The following DACH2 variants were observed in gnomAD, a reference collection of about 807,000 sequenced individuals.
DACH2 encodes the protein dachshund homolog 2.
DACH2 carries 17 observed loss-of-function variants against 35.8 expected under a neutral mutation model. The observed-to-expected ratio is 0.48, with a 90% confidence interval of 0.33 to 0.71. The LOEUF (loss-of-function observed/expected upper bound fraction) is 0.71. DACH2 is among the 30% of genes least tolerant of loss of function. The pLI is 0.02. For synonymous variants in DACH2, 195 were observed against 177.3 expected (o/e 1.10, Z -0.79); for missense variants, 469 against 472.7 (o/e 0.99, Z 0.07).
At chrX:86,725,217 A>G (rs748530155) in intron 6 of DACH2, among the ~76,000 whole-genome samples, 95 of 110,552 alleles carry the variant, frequency 8.6e-4, no homozygotes, top group Non-Finnish European at 1.5e-3. Flanking sequence ...TTCCTGAACA[A>G]TTTTTTATGG....
In DACH2 at chrX:86,224,916, C is replaced by T. The variant is rs373914708; in HGVS notation, c.488+75808C>T. Among the ~76,000 whole-genome samples the T allele has an allele frequency of 1.7e-4, 19 of 111,239 alleles. No individual in the cohort carries two copies. In the East Asian group the frequency reaches 5.1e-3, roughly 30 times the overall value. On this transcript the variant is annotated intron_variant, in intron 1 of 11. Transcript: ENST00000373125. ...CCCACAATACTTGGAGAGTCCATTC[C>T]TAGCTTTAGCAGTAGTCTTGAGTGA...
chrX:86,198,514 A>G (rs1428985229), intron 1 of DACH2, among the ~76,000 whole-genome samples: 1 of 111,258 alleles, frequency 9.0e-6, no homozygotes, highest in African/African-American at 3.3e-5. Flanking sequence ...AATAAAACAG[A>G]TAGACTGCTA....
chrX:86,748,559 G>T (rs939541309), intron 7 of DACH2, among the ~76,000 whole-genome samples: 2 of 111,679 alleles, frequency 1.8e-5, no homozygotes, highest in African/African-American at 6.5e-5. Flanking sequence ...TCTCAATAGT[G>T]GGCTTAAAAT....
chrX:86,253,478 T>A (rs1211958053), intron 1 of DACH2, among the ~76,000 whole-genome samples: 1 of 112,142 alleles, frequency 8.9e-6, no homozygotes, highest in Non-Finnish European at 1.9e-5. Flanking sequence ...CCTTTTTGCA[T>A]GTTGATGTGC....
chrX:86,454,789 G>A (rs1477054653), intron 2 of DACH2, among the ~76,000 whole-genome samples: 1 of 111,887 alleles, frequency 8.9e-6, no homozygotes, highest in Non-Finnish European at 1.9e-5. Context: ...AGTCATCTCA[G>A]CCTCAGCCCA....
intron 2 of DACH2, among the ~76,000 whole-genome samples, chrX:86,397,831 G>A (rs368064483): frequency 1.8e-5 from 2 of 111,969 alleles, no homozygotes; most frequent in South Asian, 7.5e-4. Context: ...TGTTCATCAA[G>A]GATATTGGTC....
intron 3 of DACH2, among the ~76,000 whole-genome samples, chrX:86,532,262 G>A (rs1238858735): frequency 2.7e-5 from 3 of 111,911 alleles, no homozygotes; most frequent in South Asian, 3.8e-4. Context: ...GGCATGATTG[G>A]TTTTCAGTGT....
intron 1 of DACH2, among the ~76,000 whole-genome samples, chrX:86,209,485 CA>C (rs746343111): frequency 9.0e-6 from 1 of 111,631 alleles, no homozygotes; most frequent in Non-Finnish European, 1.9e-5. Context: ...CCAGAAATGA[CA>C]CTTTTTATTT....
chrX:86,518,001 G>T (rs183954019), intron 3 of DACH2, among the ~76,000 whole-genome samples: 1 of 111,483 alleles, frequency 9.0e-6, no homozygotes, highest in African/African-American at 3.3e-5. Flanking sequence ...TATTGCCTTG[G>T]TTGTCTTCAA....
intron 5 of DACH2, among the ~76,000 whole-genome samples, chrX:86,707,127 A>G (rs767634273): frequency 1.1e-4 from 12 of 110,831 alleles, no homozygotes; most frequent in African/African-American, 3.9e-4. Context: ...AGAAGATGCA[A>G]ATTACTATCA....
Position 86,652,467 on chromosome X carries a change from G to C in DACH2, c.772+1300G>C, listed in dbSNP as rs750223834. 9.8e-5 allele frequency among the ~76,000 whole-genome samples: 11 copies of C among 112,274 alleles called. No individual in the cohort carries two copies. In the South Asian group the frequency reaches 4.0e-3, roughly 41 times the overall value. ...TATTCCTTTGGGTGTATACCCAGTA[G>C]TGGGATGGTTGGGTCAAAGAGTACT... On this transcript the variant is annotated intron_variant, in intron 4 of 11. Transcript: ENST00000373125.
intron 1 of DACH2, among the ~76,000 whole-genome samples, chrX:86,193,596 A>G (rs2031892222): frequency 8.9e-6 from 1 of 111,831 alleles, no homozygotes; most frequent in East Asian, 2.8e-4. Flanking sequence ...GGTTTGTAAC[A>G]GTATAGTGAG....
At chrX:86,553,561 C>T (rs996973943) in intron 3 of DACH2, among the ~76,000 whole-genome samples, 21 of 111,944 alleles carry the variant, frequency 1.9e-4, no homozygotes, top group Admixed American at 1.0e-3. Context: ...TGAACCCATA[C>T]ACATAATCCT....
At chrX:86,499,423 T>A (rs1232085844) in intron 2 of DACH2, among the ~76,000 whole-genome samples, 1 of 111,531 alleles carries the variant, frequency 9.0e-6, no homozygotes, top group Non-Finnish European at 1.9e-5. Flanking sequence ...TTCCATGGTA[T>A]GATCACAAAA....
At chrX:86,555,652 C>T (rs34243238) in intron 3 of DACH2, among the ~76,000 whole-genome samples, 34,523 of 110,591 alleles carry the variant, frequency 0.31, 4,498 homozygotes, top group Middle Eastern at 0.46. Flanking sequence ...GGTATCGGCA[C>T]GTTATGTCTT....
Position 86,469,509 on chromosome X carries a change from A to T in DACH2, c.528-44770A>T, listed in dbSNP as rs185651596. On this transcript the variant is annotated intron_variant, in intron 2 of 11. Transcript: ENST00000373125. ...AAGAGTCCAACAAAGCCTAAAAGAC[A>T]CTTATAATTTGATATTGTCTAGTAT... Among the ~76,000 whole-genome samples, 841 of 111,178 alleles carry T rather than the reference A, an allele frequency of 7.6e-3. 9 individuals are homozygous for T. The highest frequency in any genetic ancestry group is 0.026 in the African/African-American group (796 of 30,688).
At chrX:86,535,390 G>A in intron 3 of DACH2, among the ~76,000 whole-genome samples, 1 of 111,603 alleles carries the variant, frequency 9.0e-6, no homozygotes, top group Non-Finnish European at 1.9e-5. Flanking sequence ...AAGCCCCCCA[G>A]CCAATTGAAT....
intron 3 of DACH2, among the ~76,000 whole-genome samples, chrX:86,626,626 T>C (rs1464377260): frequency 8.8e-6 from 1 of 113,121 alleles, no homozygotes; most frequent in African/African-American, 3.2e-5. Flanking sequence ...GGAGCTTCTG[T>C]ACATCCTCTG....
intron 5 of DACH2, among the ~76,000 whole-genome samples, 179 bp from the exon 6 acceptor site, chrX:86,714,369 G>A (rs1451348174): frequency 8.9e-6 from 1 of 111,854 alleles, no homozygotes; most frequent in Non-Finnish European, 1.9e-5. Flanking sequence ...GATACAGGAA[G>A]ATTTTTAAAA....
Sources: gnomAD v4.1 joint callset for allele counts (sites outside exome capture counted in the v4.1 genomes callset) on GRCh38, gnomAD v4.1.1 for gene constraint, MANE v1.5 for transcripts, NCBI Gene and HGNC (gene_info 2026-07-23, HGNC 2026-07-21) for gene names.